Variants in HABP2 observed in about 807,000 individuals in gnomAD.
HABP2 encodes factor VII-activating protease.
HABP2 carries 65 observed loss-of-function variants against 66.5 expected under a neutral mutation model. The ratio of observed to expected loss-of-function variants is 0.98; its 90% CI spans 0.80 to 1.20. The LOEUF (loss-of-function observed/expected upper bound fraction) is 1.20, where lower values mean the gene tolerates loss of function less well. Ranked by LOEUF, HABP2 falls within the 50% of genes most tolerant of loss-of-function variation. The pLI is 0.00. For missense variants in HABP2, 786 were observed against 691.0 expected, an observed-to-expected ratio of 1.14 and a Z score of -1.54; for synonymous variants, 263 against 253.9, an observed-to-expected ratio of 1.04 and a Z score of -0.34.
chr10:113,584,741 G>GGACCC (rs1471080693), intron 11 of HABP2, among the ~76,000 whole-genome samples: 4 of 152,168 alleles, frequency 2.6e-5, no homozygotes, highest in Admixed American at 2.6e-4. Context: ...CATTCATTAA[G>GGACCC]TCAGCCCTTA....
In HABP2 at chr10:113,589,209, C is replaced by G. The variant is rs1056191880; in HGVS notation, c.*840C>G. ...GGCTCACCCTCCCTTTCCTTTTCCCCTCTTCTACCCTCCCCAAGAAAAAGG... is the reference window on the plus strand; with the variant it reads ...GGCTCACCCTCCCTTTCCTTTTCCCGTCTTCTACCCTCCCCAAGAAAAAGG... On this transcript the variant is annotated 3_prime_UTR_variant, in exon 13 of 13. Coordinates refer to ENST00000351270, the MANE Select transcript of HABP2 (RefSeq NM_004132.5). The G allele has an allele frequency of 4.4e-6, 3 of 677,310 alleles. No individual in the cohort carries two copies. Among genetic ancestry groups the G allele is most frequent in the Non-Finnish European group, 7.4e-6 (3 of 406,486 alleles). The allele number at this position is 677,310 out of a possible 1,614,324, so 42.0% of individuals were successfully genotyped here.
intron 1 of HABP2, among the ~76,000 whole-genome samples, chr10:113,557,610 G>A (rs1845021534): frequency 6.6e-6 from 1 of 152,136 alleles, no homozygotes; most frequent in South Asian, 2.1e-4. Flanking sequence ...GGAGGGGGTT[G>A]GTGCGCCATG....
At chr10:113,554,012 GTTCGAATCTCAGCTTTGCCACA>G (rs776830384) in intron 1 of HABP2, among the ~76,000 whole-genome samples, 3 of 152,214 alleles carry the variant, frequency 2.0e-5, no homozygotes, top group Non-Finnish European at 4.4e-5. Flanking sequence ...TGGAGCCAGG[GTTCGAATCTCAGCTTTGCCACA>G]TTCTAGCTGT....
At chr10:113,563,743 T>A (rs11575643) in intron 1 of HABP2, among the ~76,000 whole-genome samples, 1 of 152,060 alleles carries the variant, frequency 6.6e-6, no homozygotes. Flanking sequence ...GGGCCCTTCC[T>A]TGCTGGACCC....
chr10:113,559,035 A>G (rs537600497), intron 1 of HABP2, among the ~76,000 whole-genome samples: 25 of 152,192 alleles, frequency 1.6e-4, no homozygotes, highest in African/African-American at 5.8e-4. Flanking sequence ...TTGTATTCTT[A>G]GCAGAGACAG....
rs746446147 is a variant in HABP2, at chr10:113,578,618, C to T, written c.569-9C>T. The T allele has an allele frequency of 6.2e-7, 1 of 1,605,670 alleles. No individual in the cohort carries two copies. The highest frequency in any genetic ancestry group is 8.5e-7 in the Non-Finnish European group (1 of 1,174,036). On this transcript the variant is annotated splice_polypyrimidine_tract_variant and intron_variant, in intron 6 of 12. Coordinates refer to ENST00000351270, the MANE Select transcript of HABP2 (RefSeq NM_004132.5). ...GTTGGTTCTCACATTGCTACCTGCT[C>T]TCTCGGAGGTTCTGATGACTGCTAT...
intron 1 of HABP2, among the ~76,000 whole-genome samples, chr10:113,557,999 C>T (rs1272683447): frequency 1.3e-5 from 2 of 152,210 alleles, no homozygotes; most frequent in African/African-American, 4.8e-5. Flanking sequence ...GTTCTATGCT[C>T]ACAAGCACTG....
chr10:113,573,688 C>T lies in HABP2; in HGVS notation c.107-601C>T, dbSNP rs565220518. Among the ~76,000 whole-genome samples the T allele has an allele frequency of 1.5e-3, 232 of 152,306 alleles. 1 individual carries two copies. Among genetic ancestry groups the T allele is most frequent in the Non-Finnish European group, 2.8e-3 (191 of 68,032 alleles). Reference sequence around the variant, plus strand: ...GAAGTTAGATGGTGCATGTAAAGTGCTTAGCACAGGGCATGGTACATAATA... The same window carrying T: ...GAAGTTAGATGGTGCATGTAAAGTGTTTAGCACAGGGCATGGTACATAATA... On this transcript the variant is annotated intron_variant, in intron 2 of 12. Transcript: ENST00000351270.
At chr10:113,563,038 C>T (rs1206209271) in intron 1 of HABP2, among the ~76,000 whole-genome samples, 2 of 152,206 alleles carry the variant, frequency 1.3e-5, no homozygotes, top group African/African-American at 4.8e-5. Context: ...TGGATATAAT[C>T]ATAATACCTA....
chr10:113,578,564 C>A, intron 6 of HABP2, 63 bp from the exon 7 acceptor site: 1 of 1,141,374 alleles, frequency 8.8e-7, no homozygotes, highest in Non-Finnish European at 1.3e-6. Context: ...ACCCACCAAG[C>A]CCTTTTTGGG....
rs370374001 is a variant in HABP2, at chr10:113,576,013, G to T, written c.331+9G>T. ...GAATAAGTGTCAGAAAGGTGAGTCCGTCATCACTAGTCCACTCTTCCCTCT... is the reference window on the plus strand; with the variant it reads ...GAATAAGTGTCAGAAAGGTGAGTCCTTCATCACTAGTCCACTCTTCCCTCT... On this transcript the variant is annotated intron_variant, in intron 4 of 12. Transcript: ENST00000351270. 5 of 1,345,516 alleles carry T rather than the reference G, an allele frequency of 3.7e-6. No homozygotes were observed. Among genetic ancestry groups the T allele is most frequent in the Non-Finnish European group, 5.3e-6 (5 of 934,974 alleles). 83.3% of individuals were successfully genotyped at this position (1,345,516 alleles called of 1,614,324 possible). A position where few individuals can be genotyped will look rare whatever the true frequency, so the allele number is the denominator to read the frequency against.
intron 1 of HABP2, among the ~76,000 whole-genome samples, chr10:113,563,615 A>G (rs1845141215): frequency 6.6e-6 from 1 of 152,134 alleles, no homozygotes; most frequent in African/African-American, 2.4e-5. Context: ...TCCGAGCGCC[A>G]GCTCCTAGGA....
chr10:113,569,415 G>T lies in HABP2; in HGVS notation c.106+1890G>T, dbSNP rs571833236. On this transcript the variant is annotated intron_variant, in intron 2 of 12. Coordinates refer to ENST00000351270, the MANE Select transcript of HABP2 (RefSeq NM_004132.5). ...CAGTGTCCGACTTAACCTCTCACAGGGGTTGTGCTTTGATGGTATTTGTCA... is the reference window on the plus strand; with the variant it reads ...CAGTGTCCGACTTAACCTCTCACAGTGGTTGTGCTTTGATGGTATTTGTCA... Among the ~76,000 whole-genome samples, 3 of 152,308 alleles carry T rather than the reference G, an allele frequency of 2.0e-5. No individual in the cohort carries two copies. The East Asian group carries it at 5.8e-4, about 29-fold the overall frequency.
chr10:113,567,069 C>A (rs1378047198), intron 1 of HABP2, among the ~76,000 whole-genome samples: 1 of 152,162 alleles, frequency 6.6e-6, no homozygotes, highest in African/African-American at 2.4e-5. Context: ...ACCTCCGAGT[C>A]CAAATTTTCT....
intron 1 of HABP2, among the ~76,000 whole-genome samples, chr10:113,556,841 G>A (rs1474876008): frequency 2.0e-4 from 5 of 24,682 alleles, no homozygotes; most frequent in African/African-American, 9.1e-4. Context: ...ACTGGTTTTT[G>A]CTATTTTGCA....
intron 12 of HABP2, among the ~76,000 whole-genome samples, chr10:113,586,308 A>G (rs1431097606): frequency 1.3e-5 from 2 of 152,196 alleles, no homozygotes; most frequent in African/African-American, 4.8e-5. Flanking sequence ...GCAGGACACC[A>G]AAGGGGCTTG....
chr10:113,571,429 C>A (rs369476093), intron 2 of HABP2, among the ~76,000 whole-genome samples: 2 of 152,116 alleles, frequency 1.3e-5, no homozygotes, highest in Non-Finnish European at 2.9e-5. Context: ...GATACAGAGT[C>A]GAGAGAGAAC....
chr10:113,553,142 T>C lies in HABP2; in HGVS notation c.21T>C (p.Asp7=), dbSNP rs1844927489. The C allele has an allele frequency of 2.0e-5, 33 of 1,613,530 alleles. No individual in the cohort carries two copies. Among genetic ancestry groups the C allele is most frequent in the Non-Finnish European group, 2.5e-5 (29 of 1,179,554 alleles). Residue 7 remains aspartate (D), a synonymous_variant, in exon 1 of 13, where the codon GAT becomes GAC. Coordinates refer to ENST00000351270, the MANE Select transcript of HABP2 (RefSeq NM_004132.5). ...CAAAGATGTTTGCCAGGATGTCTGATCTCCATGTTCTGCTGTTAATGGCTC... is the reference window on the plus strand; with the variant it reads ...CAAAGATGTTTGCCAGGATGTCTGACCTCCATGTTCTGCTGTTAATGGCTC... MFARMS[D]LHVLLLMALV...
At position 113,553,125 on chromosome 10, in the gene HABP2, T is replaced by C. The variant is rs893386938; in HGVS notation, c.4T>C (p.Phe2Leu). The C allele has an allele frequency of 1.4e-5, 23 of 1,612,956 alleles. No homozygotes were observed. Among genetic ancestry groups the C allele is most frequent in the African/African-American group, 4.0e-5 (3 of 74,916 alleles). The change falls in exon 1 of 13, where the codon TTT becomes CTT. Residue 2 changes from phenylalanine to leucine, a missense_variant. By Grantham distance (22) the Phe-to-Leu change is conservative. Transcript: ENST00000351270. Reference protein sequence around the residue: MFARMSDLHVLL... With the variant: MLARMSDLHVLL... ...CACAAGTCCTTAAACTGCAAAGATG[T>C]TTGCCAGGATGTCTGATCTCCATGT...
Sources: gnomAD v4.1 joint callset for allele counts (sites outside exome capture counted in the v4.1 genomes callset) on GRCh38, gnomAD v4.1.1 for gene constraint, MANE v1.5 for transcripts, NCBI Gene and HGNC (gene_info 2026-07-23, HGNC 2026-07-21) for gene names.